Variants in AGMO observed in about 807,000 individuals in gnomAD.
AGMO encodes glyceryl-ether monooxygenase.
In AGMO, 75 loss-of-function variants were observed where a neutral mutation model predicts 60.2. That is an observed-to-expected ratio of 1.25 (90% CI 1.03 to 1.51). The LOEUF is 1.51. Among genes scored for constraint, AGMO ranks in the 40% most tolerant of loss-of-function variants. The pLI, the probability that AGMO is intolerant of heterozygous loss-of-function variation, is 0.00. For missense variants in AGMO, 763 were observed against 525.5 expected (o/e 1.45, Z -4.42); for synonymous variants, 261 against 177.1 (o/e 1.47, Z -3.76).
At chr7:15,388,158 A>T (rs971618735) in intron 8 of AGMO, among the ~76,000 whole-genome samples, 1 of 152,186 alleles carries the variant, frequency 6.6e-6, no homozygotes, top group Admixed American at 6.5e-5. Context: ...GAGTTGAACC[A>T]TTAAGATTAT....
At chr7:15,470,056 C>T (rs1002645513) in intron 3 of AGMO, among the ~76,000 whole-genome samples, 1 of 151,594 alleles carries the variant, frequency 6.6e-6, no homozygotes, top group Non-Finnish European at 1.5e-5. Flanking sequence ...CTTTTTAAGG[C>T]AAAAAATGTG....
intron 3 of AGMO, among the ~76,000 whole-genome samples, chr7:15,454,912 G>A (rs563009191): frequency 2.0e-5 from 3 of 152,060 alleles, no homozygotes; most frequent in South Asian, 2.1e-4. Flanking sequence ...AGATGCAACC[G>A]CTTTGAACCA....
At chr7:15,487,149 T>C (rs1363234719) in intron 3 of AGMO, among the ~76,000 whole-genome samples, 1 of 152,194 alleles carries the variant, frequency 6.6e-6, no homozygotes, top group East Asian at 1.9e-4. Flanking sequence ...ATCAAATATT[T>C]TTAAATAAAA....
chr7:15,559,386 T>A (rs1021542743), intron 2 of AGMO, among the ~76,000 whole-genome samples: 3 of 152,118 alleles, frequency 2.0e-5, no homozygotes, highest in Non-Finnish European at 4.4e-5. Context: ...AGTGTAGGAA[T>A]GCAGGAATGC....
At chr7:15,331,438 G>T (rs1781496389) in intron 12 of AGMO, among the ~76,000 whole-genome samples, 1 of 152,138 alleles carries the variant, frequency 6.6e-6, no homozygotes, top group Non-Finnish European at 1.5e-5. Context: ...TTAAAAATGT[G>T]TGTCTGTGTG....
At chr7:15,338,663 G>T (rs1215937359) in intron 12 of AGMO, among the ~76,000 whole-genome samples, 1 of 152,086 alleles carries the variant, frequency 6.6e-6, no homozygotes, top group African/African-American at 2.4e-5. Context: ...ACTGTGCAAA[G>T]GGAGGAAGGG....
At chr7:15,194,924 C>T in the AGMO span, among the ~76,000 whole-genome samples, 1 of 152,146 alleles carries the variant, frequency 6.6e-6, no homozygotes, top group Non-Finnish European at 1.5e-5. Flanking sequence ...AAAATGCATG[C>T]TGTGTACTGC....
intron 12 of AGMO, among the ~76,000 whole-genome samples, chr7:15,269,633 C>T (rs1378877342): frequency 1.3e-5 from 2 of 151,970 alleles, no homozygotes; most frequent in Admixed American, 1.3e-4. Flanking sequence ...ATTTTACATT[C>T]AAGGTGGTAC....
the AGMO span, among the ~76,000 whole-genome samples, chr7:15,189,176 C>CA: frequency 2.6e-5 from 4 of 152,012 alleles, no homozygotes; most frequent in African/African-American, 9.7e-5. Flanking sequence ...GGGCCACCAT[C>CA]AAAAGGCTTT....
At chr7:15,245,686 T>C (rs1207653117) in intron 12 of AGMO, among the ~76,000 whole-genome samples, 1 of 152,158 alleles carries the variant, frequency 6.6e-6, no homozygotes, top group Non-Finnish European at 1.5e-5. Flanking sequence ...AAGGAGAAAA[T>C]GCTACAATGA....
intron 12 of AGMO, among the ~76,000 whole-genome samples, chr7:15,315,236 T>C (rs755656374): frequency 6.6e-6 from 1 of 151,286 alleles, no homozygotes; most frequent in Non-Finnish European, 1.5e-5. Flanking sequence ...TAACTTGCTA[T>C]GGAAGTAATA....
At chr7:15,272,788 C>T (rs900978361) in intron 12 of AGMO, among the ~76,000 whole-genome samples, 6 of 152,010 alleles carry the variant, frequency 3.9e-5, no homozygotes, top group Non-Finnish European at 7.4e-5. Flanking sequence ...CTCTCCAGCA[C>T]CTGTTGTTTC....
the AGMO span, among the ~76,000 whole-genome samples, chr7:15,138,205 T>A: frequency 1.3e-5 from 2 of 152,218 alleles, no homozygotes; most frequent in African/African-American, 2.4e-5. Flanking sequence ...CTGTTACTTA[T>A]TCTGAACCCG....
the AGMO span, among the ~76,000 whole-genome samples, chr7:15,142,691 C>A: frequency 6.6e-6 from 1 of 152,050 alleles, no homozygotes; most frequent in Non-Finnish European, 1.5e-5. Flanking sequence ...AGTTTTGGTC[C>A]AGCAATGCAA....
intron 12 of AGMO, among the ~76,000 whole-genome samples, chr7:15,250,916 G>A (rs1782912948): frequency 6.6e-6 from 1 of 151,494 alleles, no homozygotes; most frequent in South Asian, 2.1e-4. Flanking sequence ...CTGCACTCCA[G>A]CCTAGGCAAT....
At chr7:15,159,817 G>A in the AGMO span, among the ~76,000 whole-genome samples, 1 of 152,058 alleles carries the variant, frequency 6.6e-6, no homozygotes, top group Non-Finnish European at 1.5e-5. Context: ...AGGTCCAATC[G>A]GTCCATTCAT....
the AGMO span, among the ~76,000 whole-genome samples, chr7:15,191,440 G>A: frequency 5.3e-5 from 8 of 152,254 alleles, no homozygotes; most frequent in South Asian, 1.2e-3. Context: ...TGGGCCTTGG[G>A]AGTAACAGGT....
At chr7:15,543,087 T>C (rs1784676509) in intron 3 of AGMO, among the ~76,000 whole-genome samples, 1 of 152,170 alleles carries the variant, frequency 6.6e-6, no homozygotes. Context: ...CCCTGATCTC[T>C]GGTCTCTTCT....
chr7:15,377,965 T>C (rs1307533779), intron 10 of AGMO, among the ~76,000 whole-genome samples: 2 of 152,046 alleles, frequency 1.3e-5, no homozygotes, highest in Non-Finnish European at 2.9e-5. Flanking sequence ...TTTTGTCATT[T>C]TGGGGGCTAA....
Sources: allele counts gnomAD v4.1 joint callset (sites outside exome capture counted in the v4.1 genomes callset), GRCh38; gene constraint gnomAD v4.1.1; transcripts MANE v1.5; gene names NCBI Gene and HGNC (gene_info 2026-07-23, HGNC 2026-07-21).